Variants in STK36 observed in about 807,000 individuals in gnomAD.
The protein encoded by STK36 is serine/threonine kinase 36, also known as serine/threonine-protein kinase 36.
A neutral mutation model predicts 142.2 loss-of-function variants in STK36; 116 were observed. That is an observed-to-expected ratio of 0.82 (90% CI 0.70 to 0.95). The LOEUF (loss-of-function observed/expected upper bound fraction) is 0.95. Ranked by LOEUF, STK36 falls within the 40% of genes least tolerant of loss-of-function variation. The probability of loss-of-function intolerance (pLI) is 0.00; values close to 1 mark genes in which losing one functional copy is unlikely to be tolerated. For synonymous variants in STK36, 619 were observed against 641.7 expected (o/e 0.96, Z 0.53); for missense variants, 1,422 against 1,617.2 (o/e 0.88, Z 2.07).
At chr2:218,693,624 A>T in intron 17 of STK36, 99 bp from the exon 18 acceptor site, 1 of 1,132,184 alleles carries the variant, frequency 8.8e-7, no homozygotes, top group Non-Finnish European at 1.3e-6. Flanking sequence ...TGTGGGTACC[A>T]GATCTTTTGA....
At chr2:218,683,174 A>G (rs188238785) in intron 10 of STK36, among the ~76,000 whole-genome samples, 8 of 152,192 alleles carry the variant, frequency 5.3e-5, no homozygotes, top group Non-Finnish European at 8.8e-5. Context: ...TAGTGGTGCA[A>G]TCATGGCTCA....
In STK36 at chr2:218,690,435, A is replaced by G. The variant is rs2106358823; in HGVS notation, c.1659-15A>G. 6.2e-7 allele frequency: 1 copy of G among 1,612,104 alleles called. No individual in the cohort carries two copies. Among genetic ancestry groups the G allele is most frequent in the Non-Finnish European group, 8.5e-7 (1 of 1,178,316 alleles). On this transcript the variant is annotated splice_polypyrimidine_tract_variant and intron_variant, in intron 13 of 26. Coordinates refer to ENST00000295709, the MANE Select transcript of STK36 (RefSeq NM_015690.5). ...TAGAGAGATAAGAAATCATGGGCTCATTTTCCACCCCCAGCCTGCAGGTGT... is the reference window on the plus strand; with the variant it reads ...TAGAGAGATAAGAAATCATGGGCTCGTTTTCCACCCCCAGCCTGCAGGTGT...
At chr2:218,679,145 T>C in intron 6 of STK36, 23 bp from the exon 7 acceptor site, 2 of 1,609,760 alleles carry the variant, frequency 1.2e-6, no homozygotes, top group South Asian at 1.1e-5. Flanking sequence ...GAATGACTGA[T>C]GGAATATTTT....
intron 8 of STK36, 65 bp from the exon 9 acceptor site, chr2:218,679,828 A>G (rs1940430135): frequency 1.2e-6 from 2 of 1,604,104 alleles, no homozygotes; most frequent in East Asian, 2.2e-5. Context: ...GGCCGTGAAT[A>G]GCATTCATAT....
Position 218,673,745 on chromosome 2 carries a change from A to G in STK36, c.205A>G (p.Ser69Gly). The G allele has an allele frequency of 6.2e-7, 1 of 1,614,128 alleles. No individual in the cohort carries two copies. The highest frequency in any genetic ancestry group is 8.5e-7 in the Non-Finnish European group (1 of 1,180,006). ...TCCCAACATTGTGCATATGCTTGAC[A>G]GCTTTGAAACTGATAAAGAGGTGTG... The part of the protein sequence containing the change: ...RHPNIVHMLD[S>G]FETDKEVVVV... Residue 69 changes from serine (S) to glycine (G), a missense_variant, in exon 3 of 27, where the codon AGC becomes GGC. Ser to Gly is a moderately conservative substitution (Grantham distance 56, BLOSUM62 0). Around this residue, in one of 2 missense-constraint regions of STK36, gnomAD observed 460 missense variants for 449.6 expected, o/e 1.02. Transcript: ENST00000295709.
intron 14 of STK36, 112 bp from the exon 15 acceptor site, chr2:218,692,031 T>C: frequency 1.5e-6 from 2 of 1,299,108 alleles, no homozygotes; most frequent in East Asian, 4.8e-5. Context: ...ATTAGACATG[T>C]GTTTGCTTTG....
At chr2:218,673,555 A>G in intron 2 of STK36, 70 bp from the exon 3 acceptor site, 3 of 1,536,402 alleles carry the variant, frequency 2.0e-6, no homozygotes, top group Non-Finnish European at 1.7e-6. Flanking sequence ...GAGCTCTGAG[A>G]TTAAGGCTGA....
In STK36 at chr2:218,698,728, A is replaced by T. The variant is rs1037637986; in HGVS notation, c.3184A>T (p.Ile1062Phe). Residue 1062 changes from isoleucine to phenylalanine, a missense_variant, in exon 26 of 27, where the codon ATC becomes TTC. By Grantham distance (21) the Ile-to-Phe change is conservative. Transcript: ENST00000295709. ...CACAGTGTCTGCCTCCCCTAGAACCATCGTCTCGTTTCTCTCAGTTGCCCT... is the reference window on the plus strand; with the variant it reads ...CACAGTGTCTGCCTCCCCTAGAACCTTCGTCTCGTTTCTCTCAGTTGCCCT... The part of the protein sequence containing the change: ...VNTVSASPRT[I>F]VSFLSVALLS... 6 of 1,614,076 alleles carry T rather than the reference A, an allele frequency of 3.7e-6. No homozygotes were observed. Among genetic ancestry groups the T allele is most frequent in the South Asian group, 1.1e-5 (1 of 91,074 alleles).
intron 26 of STK36, among the ~76,000 whole-genome samples, chr2:218,699,820 A>T (rs998717770): frequency 3.3e-5 from 5 of 152,254 alleles, no homozygotes; most frequent in Admixed American, 2.0e-4. Flanking sequence ...TGTCCAAATT[A>T]CAAGGACAGT....
Position 218,690,443 on chromosome 2 carries a change from C to A in STK36, c.1659-7C>A, listed in dbSNP as rs377441834. ...TAAGAAATCATGGGCTCATTTTCCA[C>A]CCCCAGCCTGCAGGTGTTTCAGGAG... is the stretch of plus-strand genomic sequence containing the variant. On this transcript the variant is annotated splice_polypyrimidine_tract_variant and splice_region_variant and intron_variant, in intron 13 of 26. Transcript: ENST00000295709. 14 of 1,612,604 alleles carry A rather than the reference C, an allele frequency of 8.7e-6. No homozygotes were observed. In the African/African-American group the frequency reaches 1.7e-4, roughly 20 times the overall value.
intron 12 of STK36, 143 bp from the exon 13 acceptor site, chr2:218,689,716 C>G: frequency 2.3e-5 from 15 of 651,346 alleles, no homozygotes; most frequent in Non-Finnish European, 3.3e-5. Context: ...ACCCCTAGAA[C>G]TCTCTCTCTG....
chr2:218,698,543 T>G, intron 25 of STK36, 59 bp from the exon 26 acceptor site: 1 of 1,551,992 alleles, frequency 6.4e-7, no homozygotes, highest in Non-Finnish European at 8.7e-7. Context: ...GTTTTGGGCT[T>G]CTTTATAGCT....
intron 4 of STK36, among the ~76,000 whole-genome samples, chr2:218,675,015 C>G (rs1210284568): frequency 6.6e-6 from 1 of 152,114 alleles, no homozygotes; most frequent in South Asian, 2.1e-4. Flanking sequence ...GTGCCAGGCA[C>G]CATTCTGAGT....
chr2:218,693,836 C>T lies in STK36; in HGVS notation c.2247+15C>T, dbSNP rs1395502534. The T allele has an allele frequency of 6.2e-7, 1 of 1,614,112 alleles. No homozygotes were observed. Among genetic ancestry groups the T allele is most frequent in the South Asian group, 1.1e-5 (1 of 91,082 alleles). On this transcript the variant is annotated intron_variant, in intron 18 of 26. Coordinates refer to ENST00000295709, the MANE Select transcript of STK36 (RefSeq NM_015690.5). ...TTCAGGGCAAGGTAAGCCAGCTTCC[C>T]CTGGCAGCCCCACTGTCTCAGCCAG...
At chr2:218,677,876 C>T (rs958032677) in intron 6 of STK36, among the ~76,000 whole-genome samples, 4 of 152,168 alleles carry the variant, frequency 2.6e-5, no homozygotes, top group African/African-American at 4.8e-5. Context: ...CTGCAAGCTC[C>T]GCCCTCCAGA....
In STK36 at chr2:218,673,678, G is replaced by A. The variant is rs750448016; in HGVS notation, c.138G>A (p.Arg46=). The part of the protein sequence containing the change: ...PKLGRSEKEL[R]NLQREIEIMR... ...TGGGGCGCTCAGAGAAGGAGCTGAG[G>A]AATTTGCAACGAGAGATTGAAATAA... The change falls in exon 3 of 27, where the codon AGG becomes AGA. Residue 46 remains arginine (R), a synonymous_variant. Transcript: ENST00000295709. 1.2e-5 allele frequency: 20 copies of A among 1,614,074 alleles called. No homozygotes were observed. Among genetic ancestry groups the A allele is most frequent in the Non-Finnish European group, 1.7e-5 (20 of 1,180,032 alleles).
intron 21 of STK36, among the ~76,000 whole-genome samples, chr2:218,695,026 C>T (rs987688768): frequency 6.6e-6 from 1 of 152,134 alleles, no homozygotes; most frequent in Non-Finnish European, 1.5e-5. Flanking sequence ...GCTTTCCCCA[C>T]TTGTTCTTCT....
chr2:218,699,925 T>G (rs942923834), intron 26 of STK36, among the ~76,000 whole-genome samples: 25 of 151,670 alleles, frequency 1.6e-4, no homozygotes, highest in Non-Finnish European at 3.1e-4. Context: ...ACTTTCTTTT[T>G]CCTTTTTTTT....
intron 11 of STK36, among the ~76,000 whole-genome samples, chr2:218,687,559 A>G (rs1355075657): frequency 6.6e-6 from 1 of 152,148 alleles, no homozygotes; most frequent in Non-Finnish European, 1.5e-5. Flanking sequence ...TTTTGGCGCT[A>G]ACACGTTTTC....
Sources: allele counts gnomAD v4.1 joint callset (sites outside exome capture counted in the v4.1 genomes callset), GRCh38; gene constraint gnomAD v4.1.1; regional missense constraint gnomAD v4.1.1; transcripts MANE v1.5; gene names NCBI Gene and HGNC (gene_info 2026-07-23, HGNC 2026-07-21).